BEAN1: variants seen among roughly 807,000 people sequenced by gnomAD.
BEAN1 encodes protein BEAN1.
A neutral mutation model predicts 17.7 loss-of-function variants in BEAN1; 17 were observed. The observed-to-expected ratio is 0.96, with a 90% CI of 0.66 to 1.44. The LOEUF (loss-of-function observed/expected upper bound fraction) is 1.44. BEAN1 is among the 40% of genes most tolerant of loss of function. The pLI is 0.00. For synonymous variants in BEAN1, 142 were observed against 151.8 expected (o/e 0.94, Z 0.47); for missense variants, 359 against 374.1 (o/e 0.96, Z 0.33).
chr16:66,483,795 A>G (rs1964045661), downstream of BEAN1: 1 of 152,386 alleles, frequency 6.6e-6, no homozygotes, highest in Non-Finnish European at 1.5e-5. Context: ...CAGCGGGGGG[A>G]AAGACCACGA....
intron 4 of BEAN1, among the ~76,000 whole-genome samples, chr16:66,479,733 G>A (rs775386569): frequency 3.9e-5 from 6 of 152,122 alleles, no homozygotes; most frequent in Admixed American, 3.9e-4. Context: ...GGAGCCAGAA[G>A]GAGGGAGTTA....
At chr16:66,439,898 G>A (rs1449575330) in intron 2 of BEAN1, among the ~76,000 whole-genome samples, 1 of 152,000 alleles carries the variant, frequency 6.6e-6, no homozygotes, top group Non-Finnish European at 1.5e-5. Context: ...CTGCTGCGAG[G>A]CTCCATGGAG....
Position 66,480,780 on chromosome 16 carries a change from C to G in BEAN1, c.635C>G (p.Thr212Ser). The change falls in exon 5 of 5, where the codon ACC becomes AGC. Residue 212 changes from threonine to serine, a missense_variant. Coordinates refer to ENST00000536005, the MANE Select transcript of BEAN1 (RefSeq NM_001178020.3). ...GGCCTTCACACGGTCTCCATGGACA[C>G]CCTTCCCCCCTACGAGGCTGTGTGC... Reference protein sequence around the residue: ...QGGLHTVSMDTLPPYEAVCGA... With the variant: ...QGGLHTVSMDSLPPYEAVCGA... 6.4e-7 allele frequency: 1 copy of G among 1,550,728 alleles called. No homozygotes were observed. The highest frequency in any genetic ancestry group is 8.7e-7 in the Non-Finnish European group (1 of 1,146,604).
chr16:66,494,990 G>C (rs539695002), downstream of BEAN1, among the ~76,000 whole-genome samples: 1 of 152,302 alleles, frequency 6.6e-6, no homozygotes, highest in African/African-American at 2.4e-5. Context: ...TGTGAAATGG[G>C]AAAAATTAAA....
intron 3 of BEAN1, chr16:66,475,681 G>C (rs966936803): frequency 1.3e-5 from 2 of 152,182 alleles, no homozygotes; most frequent in Admixed American, 6.5e-5. Flanking sequence ...CTGGTGCCCT[G>C]AACAGGAGAA....
chr16:66,450,475 G>A (rs553417002), intron 2 of BEAN1, among the ~76,000 whole-genome samples: 1 of 152,282 alleles, frequency 6.6e-6, no homozygotes, highest in South Asian at 2.1e-4. Context: ...CAGCACTTTG[G>A]GAGGCCGAAA....
At chr16:66,437,539 AG>A (rs1338529124) in intron 1 of BEAN1, 55 bp from the exon 2 acceptor site, 6 of 1,029,336 alleles carry the variant, frequency 5.8e-6, no homozygotes, top group Non-Finnish European at 8.3e-6. Flanking sequence ...CCCAGCCTGC[AG>A]GGGCTGTGGG....
chr16:66,437,576 C>A lies in BEAN1; in HGVS notation c.-82-19C>A. 1 of 1,383,346 alleles carries A rather than the reference C, an allele frequency of 7.2e-7. No homozygotes were observed. The highest frequency in any genetic ancestry group is 2.5e-5 in the East Asian group (1 of 39,888). 85.7% of individuals were successfully genotyped at this position (1,383,346 alleles called of 1,614,324 possible). On this transcript the variant is annotated intron_variant, in intron 1 of 4. Coordinates refer to ENST00000536005, the MANE Select transcript of BEAN1 (RefSeq NM_001178020.3). ...TGCGCCATGGGCCCCCCAACACCTG[C>A]CTGTTTGTGTCTCCGCAGGTGAGTG... is the stretch of plus-strand genomic sequence containing the variant.
At chr16:66,490,396 C>CAATAAAATAAAATAAAATATAAAATAA (rs1964149856) in intron 4 of BEAN1, among the ~76,000 whole-genome samples, 1 of 67,582 alleles carries the variant, frequency 1.5e-5, no homozygotes, top group Non-Finnish European at 3.0e-5. Flanking sequence ...GACTCTGTTT[C>CAATAAAATAAAATAAAATATAAAATAA]AATAAAATAA....
rs1567505077 is a variant in BEAN1, at chr16:66,474,595, AG to A, written c.290-2962del. ...GAGGGAGGGAGAGAGGGAGGGAGGG[AG>A]GGAGGGAGAGAGGGAGGGAGGAAGG... On this transcript the variant is annotated intron_variant, in intron 3 of 4. Transcript: ENST00000536005. Among the ~76,000 whole-genome samples, 100 of 15,552 alleles carry A rather than the reference AG, an allele frequency of 6.4e-3. 1 individual carries two copies. Among genetic ancestry groups the A allele is most frequent in the African/African-American group, 0.024 (84 of 3,436 alleles). The allele number at this position is 15,552 out of a possible 152,430, so 10.2% of individuals were successfully genotyped here.
At chr16:66,486,351 CCTGAGTAGCTGGGATTACGGGCATT>C (rs1597056549), downstream of BEAN1, among the ~76,000 whole-genome samples, 4 of 152,280 alleles carry the variant, frequency 2.6e-5, no homozygotes, top group African/African-American at 2.4e-5. Flanking sequence ...GCCTCAGCCT[CCTGAGTAGCTGGGATTACGGGCATT>C]CTGAGTAGCT....
chr16:66,485,430 T>C, downstream of BEAN1: 2 of 329,612 alleles, frequency 6.1e-6, no homozygotes, highest in Non-Finnish European at 1.2e-5. Context: ...GCTCTTGGCA[T>C]GAGCGGTGGA....
chr16:66,432,633 C>T (rs1175533181), intron 1 of BEAN1, among the ~76,000 whole-genome samples: 1 of 152,224 alleles, frequency 6.6e-6, no homozygotes, highest in Non-Finnish European at 1.5e-5. Flanking sequence ...ATTGTCTGAG[C>T]TATCAAGACC....
intron 2 of BEAN1, among the ~76,000 whole-genome samples, chr16:66,461,320 C>T (rs142178725): frequency 1.3e-5 from 2 of 152,250 alleles, no homozygotes; most frequent in East Asian, 1.9e-4. Flanking sequence ...CTACCTCTGC[C>T]GGTTGTGGTG....
intron 2 of BEAN1, among the ~76,000 whole-genome samples, chr16:66,461,966 G>T (rs1015900888): frequency 1.3e-5 from 2 of 152,184 alleles, no homozygotes; most frequent in African/African-American, 4.8e-5. Flanking sequence ...GTAGCCAAAA[G>T]CTCCATTTCA....
chr16:66,457,933 G>A (rs1962934666), intron 2 of BEAN1, among the ~76,000 whole-genome samples: 1 of 151,362 alleles, frequency 6.6e-6, no homozygotes, highest in South Asian at 2.1e-4. Context: ...TGGTGCCTGA[G>A]TCGTGTTCCC....
chr16:66,446,521 G>A (rs1188334627), intron 2 of BEAN1, among the ~76,000 whole-genome samples: 7 of 152,084 alleles, frequency 4.6e-5, no homozygotes, highest in African/African-American at 1.7e-4. Flanking sequence ...CAGACAGTTG[G>A]GTACGTGAAT....
At chr16:66,465,466 T>C (rs1475288924) in intron 2 of BEAN1, among the ~76,000 whole-genome samples, 2 of 152,210 alleles carry the variant, frequency 1.3e-5, no homozygotes, top group East Asian at 3.8e-4. Context: ...TGGAAATTGG[T>C]ATTATTTCCT....
chr16:66,449,170 T>C (rs1395116479), intron 2 of BEAN1, among the ~76,000 whole-genome samples: 2 of 152,142 alleles, frequency 1.3e-5, no homozygotes, highest in East Asian at 3.9e-4. Flanking sequence ...AGTTGTATGT[T>C]TTCTTTCAGG....
Sources: gnomAD v4.1 joint callset for allele counts (sites outside exome capture counted in the v4.1 genomes callset) on GRCh38, gnomAD v4.1.1 for gene constraint, MANE v1.5 for transcripts, NCBI Gene and HGNC (gene_info 2026-07-23, HGNC 2026-07-21) for gene names.